The following SMARCC1 variants were observed in gnomAD, a reference collection of about 807,000 sequenced individuals.
The protein encoded by SMARCC1 is SWI/SNF related BAF chromatin remodeling complex subunit C1.
SMARCC1 carries 43 observed loss-of-function variants against 147.4 expected under a neutral mutation model. The ratio of observed to expected loss-of-function variants is 0.29; its 90% CI spans 0.23 to 0.38. The LOEUF (loss-of-function observed/expected upper bound fraction) is 0.38, where lower values mean the gene tolerates loss of function less well. Ranked by LOEUF, SMARCC1 falls within the 10% of genes least tolerant of loss-of-function variation. The pLI, the probability that SMARCC1 is intolerant of heterozygous loss-of-function variation, is 1.00. For missense variants in SMARCC1, 1,119 were observed against 1,381.1 expected, an observed-to-expected ratio of 0.81 and a Z score of 3.01; for synonymous variants, 495 against 484.4, an observed-to-expected ratio of 1.02 and a Z score of -0.29.
rs375842564 is a variant in SMARCC1, at chr3:47,588,360, G to T, written c.3221-54C>A. On this transcript the variant is annotated intron_variant, in intron 27 of 27. Transcript: ENST00000254480. ...ATTGCTGGAAATACAAGAGACTCAG[G>T]AAAGAGCCTATTCAGTGAAAAAAAG... 1.1e-4 allele frequency: 175 copies of T among 1,524,980 alleles called. 1 individual carries two copies. The African/African-American group carries it at 2.0e-3, about 17-fold the overall frequency. The allele number at this position is 1,524,980 out of a possible 1,614,324, so 94.5% of individuals were successfully genotyped here.
chr3:47,708,027 A>G (rs748672848), intron 9 of SMARCC1, among the ~76,000 whole-genome samples: 1 of 150,636 alleles, frequency 6.6e-6, no homozygotes, highest in Non-Finnish European at 1.5e-5. Flanking sequence ...TTTGAAAAAA[A>G]TCTAAAGGAT....
intron 19 of SMARCC1, among the ~76,000 whole-genome samples, chr3:47,663,209 GGGGAGGAAGGAAGGAA>G (rs1211659258): frequency 1.7e-3 from 60 of 34,962 alleles, no homozygotes; most frequent in African/African-American, 5.3e-3. Context: ...GGGGAGGGGA[GGGGAGGAAGGAAGGAA>G]GGAAGGAAGG....
intron 2 of SMARCC1, among the ~76,000 whole-genome samples, chr3:47,754,841 G>C (rs867674429): frequency 2.0e-5 from 3 of 152,082 alleles, no homozygotes; most frequent in Non-Finnish European, 4.4e-5. Context: ...TCAGGAGTTC[G>C]AGACCAGCCT....
chr3:47,753,837 G>A (rs930533021), intron 2 of SMARCC1, among the ~76,000 whole-genome samples: 1 of 152,090 alleles, frequency 6.6e-6, no homozygotes, highest in East Asian at 1.9e-4. Flanking sequence ...AAATGACTGT[G>A]CCAGAAAAGG....
intron 21 of SMARCC1, among the ~76,000 whole-genome samples, chr3:47,660,586 A>T (rs1240362057): frequency 6.6e-6 from 1 of 152,188 alleles, no homozygotes. Context: ...AGCATGGAAG[A>T]ACCTTGAAAA....
chr3:47,668,574 T>G (rs952977636), intron 19 of SMARCC1, among the ~76,000 whole-genome samples: 3 of 152,212 alleles, frequency 2.0e-5, no homozygotes, highest in African/African-American at 7.2e-5. Context: ...TGTGCTTTGA[T>G]AAAAGACTTT....
intron 8 of SMARCC1, among the ~76,000 whole-genome samples, chr3:47,713,318 AAAATAAATAAATAAATAAATAAAT>A (rs144722768): frequency 6.8e-6 from 1 of 146,622 alleles, no homozygotes; most frequent in Non-Finnish European, 1.5e-5. Context: ...ACTCCGTCTC[AAAATAAATAAATAAATAAATAAAT>A]AAATAAATAA....
chr3:47,657,994 T>C (rs2033286021), intron 21 of SMARCC1, among the ~76,000 whole-genome samples: 1 of 150,950 alleles, frequency 6.6e-6, no homozygotes, highest in Admixed American at 6.6e-5. Flanking sequence ...AAAAGCAAAT[T>C]TAACCCAAAG....
At chr3:47,771,032 T>A (rs2106874625) in intron 2 of SMARCC1, among the ~76,000 whole-genome samples, 1 of 152,218 alleles carries the variant, frequency 6.6e-6, no homozygotes, top group South Asian at 2.1e-4. Flanking sequence ...TGCCTCAGCC[T>A]CCCAAGGAGC....
chr3:47,639,396 T>C (rs2033018616), intron 21 of SMARCC1, among the ~76,000 whole-genome samples: 1 of 152,138 alleles, frequency 6.6e-6, no homozygotes, highest in African/African-American at 2.4e-5. Context: ...TCTACACTTT[T>C]AGGAACCTAA....
intron 1 of SMARCC1, among the ~76,000 whole-genome samples, chr3:47,773,702 T>C (rs2034941775): frequency 6.6e-6 from 1 of 152,088 alleles, no homozygotes; most frequent in African/African-American, 2.4e-5. Flanking sequence ...TCATCTCAGC[T>C]CACTGCAACC....
chr3:47,629,776 A>C (rs1184910150), intron 24 of SMARCC1, among the ~76,000 whole-genome samples: 1 of 152,132 alleles, frequency 6.6e-6, no homozygotes. Flanking sequence ...ACTCTAGTCA[A>C]TGCGACATGG....
In SMARCC1 at chr3:47,610,271, C is replaced by T; in HGVS notation, c.2838G>A (p.Gln946=). ...GTGCTCGTAATTCAGCATACTTCAG[C>T]TGTTCCATGTGGAAGTTTTGGCGTT... is the stretch of plus-strand genomic sequence containing the variant. ...LTERQNFHME[Q]LKYAELRARQ... The change falls in exon 26 of 28, where the codon CAG becomes CAA. Residue 946 remains glutamine, a synonymous_variant. Transcript: ENST00000254480. 6.2e-7 allele frequency: 1 copy of T among 1,614,222 alleles called. No homozygotes were observed. The highest frequency in any genetic ancestry group is 1.1e-5 in the South Asian group (1 of 91,086).
At chr3:47,769,798 G>A (rs967487590) in intron 2 of SMARCC1, among the ~76,000 whole-genome samples, 1 of 152,172 alleles carries the variant, frequency 6.6e-6, no homozygotes, top group African/African-American at 2.4e-5. Flanking sequence ...GCAATCAGTG[G>A]AGAAAAGGAG....
intron 14 of SMARCC1, among the ~76,000 whole-genome samples, chr3:47,684,597 C>A (rs1254486437): frequency 3.3e-5 from 5 of 151,954 alleles, no homozygotes; most frequent in Non-Finnish European, 7.4e-5. Flanking sequence ...CCCACCACCA[C>A]GCCTGGCTAA....
chr3:47,644,467 G>A (rs1163094860), intron 21 of SMARCC1, among the ~76,000 whole-genome samples: 1 of 152,106 alleles, frequency 6.6e-6, no homozygotes, highest in Non-Finnish European at 1.5e-5. Context: ...CTGCACTCCC[G>A]CCTAGGTGAC....
At chr3:47,655,501 AG>A (rs1166839771) in intron 21 of SMARCC1, among the ~76,000 whole-genome samples, 2 of 152,024 alleles carry the variant, frequency 1.3e-5, no homozygotes, top group African/African-American at 4.8e-5. Flanking sequence ...GTTGGAGACC[AG>A]CCTGGCCAAT....
intron 1 of SMARCC1, among the ~76,000 whole-genome samples, chr3:47,780,249 G>A (rs2035030403): frequency 1.6e-5 from 2 of 125,366 alleles, no homozygotes; most frequent in Admixed American, 2.2e-4. Context: ...TCGGCTCACT[G>A]CAGCTTCTGC....
At chr3:47,693,829 AT>A in intron 11 of SMARCC1, among the ~76,000 whole-genome samples, 1 of 152,076 alleles carries the variant, frequency 6.6e-6, no homozygotes, top group Middle Eastern at 3.4e-3. Context: ...CACCTAGTTA[AT>A]TTTTGTATTT....
Sources: gnomAD v4.1 joint callset for allele counts (sites outside exome capture counted in the v4.1 genomes callset) on GRCh38, gnomAD v4.1.1 for gene constraint, MANE v1.5 for transcripts, NCBI Gene and HGNC (gene_info 2026-07-23, HGNC 2026-07-21) for gene names.